WDR25: variants seen among roughly 807,000 people sequenced by gnomAD.
WDR25 encodes the protein WD repeat domain 25, also known as WD repeat-containing protein 25.
A neutral mutation model predicts 47.7 loss-of-function variants in WDR25; 35 were observed. That is an observed-to-expected ratio of 0.73 (90% CI 0.56 to 0.97). WDR25 has a LOEUF of 0.97. WDR25 is among the 50% of genes least tolerant of loss of function. The probability of loss-of-function intolerance (pLI) is 0.00; values close to 1 mark genes in which losing one functional copy is unlikely to be tolerated. For synonymous variants in WDR25, 248 were observed against 278.9 expected (o/e 0.89, Z 1.10); for missense variants, 634 against 704.7 (o/e 0.90, Z 1.14).
chr14:100,489,049 T>G (rs1418544966), intron 4 of WDR25, among the ~76,000 whole-genome samples: 1 of 152,192 alleles, frequency 6.6e-6, no homozygotes, highest in East Asian at 1.9e-4. Context: ...GTGGCCACCC[T>G]GGGATCGACA....
At chr14:100,454,784 A>AT in intron 2 of WDR25, 1 of 277,380 alleles carries the variant, frequency 3.6e-6, no homozygotes, top group East Asian at 8.6e-5. Flanking sequence ...GAAAGTGGCT[A>AT]TAAACTCTAC....
At chr14:100,416,798 CTT>C in intron 2 of WDR25, among the ~76,000 whole-genome samples, 2 of 152,186 alleles carry the variant, frequency 1.3e-5, no homozygotes, top group Admixed American at 1.3e-4. Context: ...CAGGGAGAAG[CTT>C]GGTGCTCGTT....
intron 2 of WDR25, among the ~76,000 whole-genome samples, chr14:100,384,585 T>A (rs1241365039): frequency 6.6e-6 from 1 of 152,038 alleles, no homozygotes; most frequent in African/African-American, 2.4e-5. Context: ...GGGGACCTGG[T>A]GATCTGGGGA....
chr14:100,526,315 C>T (rs530864434), intron 5 of WDR25, among the ~76,000 whole-genome samples: 38 of 152,234 alleles, frequency 2.5e-4, no homozygotes, highest in South Asian at 1.9e-3. Context: ...CAATGGGGAA[C>T]GTGGCAGTGC....
intron 4 of WDR25, among the ~76,000 whole-genome samples, chr14:100,501,905 G>A (rs1900936367): frequency 6.6e-6 from 1 of 152,210 alleles, no homozygotes; most frequent in Admixed American, 6.5e-5. Context: ...GCAATGCAGA[G>A]AGGAGGATGG....
chr14:100,410,379 T>C (rs1353821968), intron 2 of WDR25, among the ~76,000 whole-genome samples: 1 of 152,134 alleles, frequency 6.6e-6, no homozygotes, highest in Admixed American at 6.5e-5. Context: ...CCCTGTGGGC[T>C]CAGGGGGTGG....
chr14:100,481,103 C>CAAAAAAAAAAAAAAAAAA (rs71113268), intron 3 of WDR25: 5 of 248,192 alleles, frequency 2.0e-5, no homozygotes, highest in South Asian at 5.6e-5. Context: ...CAAAAAAGTG[C>CAAAAAAAAAAAAAAAAAA]AAAAAAAAAA....
In WDR25 at chr14:100,468,209, T is replaced by C. The variant is rs376036953; in HGVS notation, c.970+41T>C. 3.1e-6 allele frequency: 5 copies of C among 1,589,274 alleles called. No individual in the cohort carries two copies. The highest frequency in any genetic ancestry group is 1.7e-4 in the Middle Eastern group (1 of 5,958). On this transcript the variant is annotated intron_variant, in intron 3 of 6. Transcript: ENST00000402312. The surrounding 1 kb of genome is among the most constrained non-coding windows in gnomAD (Gnocchi z 4.5). ...CACCTCCCTGAGGTGAGCTGGCAGC[T>C]CTCTCCCTGGGGAAGGTTCTCTGGT...
At chr14:100,483,370 G>T (rs1276494020) in intron 3 of WDR25, among the ~76,000 whole-genome samples, 2 of 152,168 alleles carry the variant, frequency 1.3e-5, no homozygotes, top group East Asian at 3.8e-4. Context: ...ACTGCGTTGT[G>T]TCCTGTAGAG....
rs951441492 is a variant in WDR25, at chr14:100,428,162, G to T, written c.823-39859G>T. On this transcript the variant is annotated intron_variant, in intron 2 of 6. Transcript: ENST00000402312. The surrounding 1 kb of genome is among the most constrained non-coding windows in gnomAD (Gnocchi z 4.3). ...CCATCTGAGGAAACGTTTGTCGTGT[G>T]CTCCGACCGAAGCGTTGGCACTGAC... Among the ~76,000 whole-genome samples, 1 of 152,242 alleles carries T rather than the reference G, an allele frequency of 6.6e-6. No individual in the cohort carries two copies. Among genetic ancestry groups the T allele is most frequent in the African/African-American group, 2.4e-5 (1 of 41,454 alleles).
At chr14:100,454,558 CA>C in intron 2 of WDR25, 126 of 730,452 alleles carry the variant, frequency 1.7e-4, no homozygotes, top group Non-Finnish European at 2.3e-4. Flanking sequence ...TATTGGAGAG[CA>C]AAAAAAAGCA....
intron 3 of WDR25, among the ~76,000 whole-genome samples, chr14:100,482,324 C>T (rs180814680): frequency 1.0e-3 from 159 of 152,280 alleles, no homozygotes; most frequent in Non-Finnish European, 1.6e-3. Context: ...TTACATAACT[C>T]AGATGATTTC....
chr14:100,418,689 CA>C (rs1426339217), intron 2 of WDR25, among the ~76,000 whole-genome samples: 3 of 151,618 alleles, frequency 2.0e-5, no homozygotes, highest in Non-Finnish European at 4.4e-5. Flanking sequence ...TGCAGCCTGC[CA>C]GTCTCAGCCA....
intron 2 of WDR25, among the ~76,000 whole-genome samples, chr14:100,446,544 C>A (rs1452478536): frequency 7.9e-6 from 1 of 126,998 alleles, no homozygotes; most frequent in African/African-American, 2.8e-5. Flanking sequence ...GAGGAAGACT[C>A]CATCTCAAAA....
intron 3 of WDR25, among the ~76,000 whole-genome samples, chr14:100,475,610 G>A (rs188371739): frequency 1.8e-4 from 28 of 152,280 alleles, no homozygotes; most frequent in Admixed American, 1.8e-3. Context: ...GTAGAAAGGT[G>A]TTACCAGGGG....
rs1226765543 is a variant in WDR25 at position 100,496,828 on chromosome 14, C to CTTTTTTTTTTTTTTTT, written c.1101+12713_1101+12728dup. Among the ~76,000 whole-genome samples the CTTTTTTTTTTTTTTTT allele has an allele frequency of 1.3e-3, 96 of 73,430 alleles. 2 individuals carry two copies. The highest frequency in any genetic ancestry group is 2.0e-3 in the Non-Finnish European group (83 of 40,774). 48.2% of individuals were successfully genotyped at this position (73,430 alleles called of 152,430 possible). ...TTTCTTTTTCTTTTTTTCTTTAATT[C>CTTTTTTTTTTTTTTTT]TTTTTTTTTTTTTTTTTTTTTTTTG... On this transcript the variant is annotated intron_variant, in intron 4 of 6. Transcript: ENST00000402312.
chr14:100,516,525 T>C lies in WDR25; in HGVS notation c.1102-9345T>C, dbSNP rs543965745. 8.5e-5 allele frequency among the ~76,000 whole-genome samples: 13 copies of C among 152,362 alleles called. No homozygotes were observed. The South Asian group carries it at 2.7e-3, about 32-fold the overall frequency. On this transcript the variant is annotated intron_variant, in intron 4 of 6. Coordinates refer to ENST00000402312, the MANE Select transcript of WDR25 (RefSeq NM_001161476.3). ...TCCTTTCAATTCCATCAGTTTTTGC[T>C]TCATGTATTTTGAAAGTCTGTTATT... is the stretch of plus-strand genomic sequence containing the variant.
chr14:100,399,391 A>C (rs1897325792), intron 2 of WDR25, among the ~76,000 whole-genome samples: 1 of 149,478 alleles, frequency 6.7e-6, no homozygotes, highest in Non-Finnish European at 1.5e-5. Flanking sequence ...CTTCTCTTGC[A>C]TTTCCCCCCT....
intron 2 of WDR25, among the ~76,000 whole-genome samples, chr14:100,402,753 G>A (rs562861076): frequency 6.6e-6 from 1 of 152,342 alleles, no homozygotes; most frequent in South Asian, 2.1e-4. Context: ...GTTGAAATGA[G>A]CATTCATGAT....
Sources: gnomAD v4.1 joint callset for allele counts (sites outside exome capture counted in the v4.1 genomes callset) on GRCh38, gnomAD v4.1.1 for gene constraint, Gnocchi (gnomAD v3.1) non-coding constraint, MANE v1.5 for transcripts, NCBI Gene and HGNC (gene_info 2026-07-23, HGNC 2026-07-21) for gene names.